The following PLCG2 variants were observed in gnomAD, a reference collection of about 807,000 sequenced individuals.
The protein encoded by PLCG2 is 1-phosphatidylinositol 4,5-bisphosphate phosphodiesterase gamma-2.
PLCG2 carries 69 observed loss-of-function variants against 175.6 expected under a neutral mutation model. The observed-to-expected ratio is 0.39, with a 90% confidence interval of 0.32 to 0.48. The LOEUF (loss-of-function observed/expected upper bound fraction) is 0.48, where lower values mean the gene tolerates loss of function less well. Among genes scored for constraint, PLCG2 ranks in the 20% least tolerant of loss-of-function variants. The probability of loss-of-function intolerance (pLI) is 0.91; values close to 1 mark genes in which losing one functional copy is unlikely to be tolerated. For missense variants in PLCG2, 1,798 were observed against 1,650.9 expected, an observed-to-expected ratio of 1.09 and a Z score of -1.54; for synonymous variants, 827 against 624.0, an observed-to-expected ratio of 1.33 and a Z score of -4.85.
intron 22 of PLCG2, among the ~76,000 whole-genome samples, chr16:81,924,019 C>T (rs1002442169): frequency 1.3e-5 from 2 of 152,226 alleles, no homozygotes; most frequent in Non-Finnish European, 2.9e-5. Context: ...CAGGCGCTTT[C>T]CAATACACAA....
intron 2 of PLCG2, among the ~76,000 whole-genome samples, chr16:81,841,068 A>G (rs1905799917): frequency 6.6e-6 from 1 of 152,196 alleles, no homozygotes; most frequent in African/African-American, 2.4e-5. Flanking sequence ...ATCTGGGAAG[A>G]ATCTCTTCAC....
chr16:81,750,485 T>G (rs1054899842), intron 1 of PLCG2, among the ~76,000 whole-genome samples: 3 of 151,536 alleles, frequency 2.0e-5, no homozygotes, highest in Non-Finnish European at 2.9e-5. Context: ...CCCAAAAGAT[T>G]TGAAATCAGT....
At chr16:81,763,638 C>A (rs1324188210) in intron 2 of PLCG2, among the ~76,000 whole-genome samples, 1 of 152,218 alleles carries the variant, frequency 6.6e-6, no homozygotes, top group Non-Finnish European at 1.5e-5. Flanking sequence ...CACACATTGT[C>A]CCTTTTACTA....
chr16:81,818,016 ACT>A (rs368535941), intron 2 of PLCG2, among the ~76,000 whole-genome samples: 28 of 151,846 alleles, frequency 1.8e-4, no homozygotes, highest in African/African-American at 6.8e-4. Flanking sequence ...GTTGTCATCT[ACT>A]CTCTGTTCCT....
intron 5 of PLCG2, among the ~76,000 whole-genome samples, chr16:81,862,362 G>A (rs993492041): frequency 2.6e-5 from 4 of 152,194 alleles, no homozygotes; most frequent in African/African-American, 7.2e-5. Flanking sequence ...CTTTGCAGCC[G>A]TGGCTGTAAT....
chr16:81,889,035 C>G, intron 9 of PLCG2, 137 bp from the exon 10 acceptor site: 2 of 599,748 alleles, frequency 3.3e-6, no homozygotes, highest in East Asian at 2.9e-5. Context: ...GAGGCCTCAA[C>G]ATGTGGTGGT....
In PLCG2 at chr16:81,786,084, G is replaced by A; in HGVS notation, c.95G>A (p.Ser32Asn). The change falls in exon 2 of 33, where the codon AGC becomes AAC. Residue 32 changes from serine to asparagine, a missense_variant. By Grantham distance (46) the Ser-to-Asn change is conservative (BLOSUM62 1). Coordinates refer to ENST00000564138, the MANE Select transcript of PLCG2 (RefSeq NM_002661.5). Reference protein sequence around the residue: ...LELGTVMTVFSFRKSTPERRT... With the variant: ...LELGTVMTVFNFRKSTPERRT... ...CTGGGGACGGTGATGACTGTGTTCA[G>A]CTTCCGCAAGTCCACCCCCGAGCGG... The A allele has an allele frequency of 6.2e-7, 1 of 1,614,226 alleles. No homozygotes were observed. Among genetic ancestry groups the A allele is most frequent in the South Asian group, 1.1e-5 (1 of 91,084 alleles).
intron 14 of PLCG2, among the ~76,000 whole-genome samples, chr16:81,902,255 A>C (rs1430102481): frequency 1.3e-5 from 2 of 152,332 alleles, no homozygotes; most frequent in African/African-American, 4.8e-5. Flanking sequence ...GGGGAAGGAC[A>C]AACAGCTGTT....
chr16:81,766,468 TC>T (rs1910152918), intron 2 of PLCG2, among the ~76,000 whole-genome samples: 1 of 114 alleles, frequency 8.8e-3, no homozygotes, highest in Non-Finnish European at 0.031. Flanking sequence ...AGCCAGCGCC[TC>T]CTCCTCCTCC....
Position 81,958,394 on chromosome 16 carries a change from G to A in PLCG2, c.*396G>A, listed in dbSNP as rs1597158294. On this transcript the variant is annotated 3_prime_UTR_variant, in exon 33 of 33. Transcript: ENST00000564138. Reference sequence around the variant, plus strand: ...ATGATCCAGGTAACTGATGTCCATGGAGGATGAGCTGGAAATGTAAGAAAC... The same window carrying A: ...ATGATCCAGGTAACTGATGTCCATGAAGGATGAGCTGGAAATGTAAGAAAC... The A allele has an allele frequency of 3.9e-6, 1 of 253,642 alleles. No homozygotes were observed. Among genetic ancestry groups the A allele is most frequent in the South Asian group, 1.4e-4 (1 of 7,092 alleles). 15.7% of individuals were successfully genotyped at this position (253,642 alleles called of 1,614,324 possible).
At chr16:81,798,880 G>A (rs932165409) in intron 2 of PLCG2, 1 of 152,376 alleles carries the variant, frequency 6.6e-6, no homozygotes, top group Non-Finnish European at 1.5e-5. Context: ...TGCTTCGGCT[G>A]GATTTCACCG....
rs1446176163 is a variant in PLCG2, at chr16:81,960,141, G to A, written c.*2143G>A. On this transcript the variant is annotated 3_prime_UTR_variant, in exon 33 of 33. Coordinates refer to ENST00000564138, the MANE Select transcript of PLCG2 (RefSeq NM_002661.5). ...TGGTGCTACAACCGGAATCCACCAT[G>A]AGAGAGTACTTTCTTCGGTTCTTTC... 4.5e-6 allele frequency: 1 copy of A among 220,274 alleles called. No individual in the cohort carries two copies. The highest frequency in any genetic ancestry group is 9.1e-6 in the Non-Finnish European group (1 of 110,034). The allele number at this position is 220,274 out of a possible 1,614,324, so 13.6% of individuals were successfully genotyped here. A position where few individuals can be genotyped will look rare whatever the true frequency, so the allele number is the denominator to read the frequency against.
chr16:81,834,471 G>C (rs1033003042), intron 2 of PLCG2, among the ~76,000 whole-genome samples: 3 of 152,186 alleles, frequency 2.0e-5, no homozygotes, highest in Admixed American at 1.3e-4. Flanking sequence ...CTGAGCCTCA[G>C]TTTCCCCTTC....
chr16:81,745,424 C>G (rs939043945), intron 1 of PLCG2, among the ~76,000 whole-genome samples: 1 of 152,158 alleles, frequency 6.6e-6, no homozygotes, highest in Non-Finnish European at 1.5e-5. Context: ...GAATTTTGCT[C>G]AGTTTCATCC....
At position 81,752,072 on chromosome 16, in the gene PLCG2, G is replaced by A. The variant is rs931427356; in HGVS notation, c.-144-3798G>A. ...ATATATGTATATAATATATATAAAA[G>A]AGCTAGGATTTGAACCTGCAACTCT... On this transcript the variant is annotated intron_variant, in intron 1 of 5. Transcript: ENST00000565054. Among the ~76,000 whole-genome samples, 3 of 151,740 alleles carry A rather than the reference G, an allele frequency of 2.0e-5. No individual in the cohort carries two copies. The East Asian group carries it at 5.8e-4, about 29-fold the overall frequency.
At chr16:81,938,768 G>C (rs1469948321) in intron 28 of PLCG2, 33 bp from the exon 29 acceptor site, 3 of 1,368,932 alleles carry the variant, frequency 2.2e-6, no homozygotes, top group East Asian at 2.3e-5. Flanking sequence ...CAGGACCCCA[G>C]GGGGGTTCCA....
Position 81,961,609 on chromosome 16 carries a change from A to G in PLCG2, c.*3611A>G. On this transcript the variant is annotated 3_prime_UTR_variant, in exon 33 of 33. Transcript: ENST00000564138. ...TGAAAATACAAATTCAAGGAGTAAA[A>G]GGAAAAGTGGGGCATTCCTTGCTAC... The G allele has an allele frequency of 4.6e-6, 1 of 216,320 alleles. No homozygotes were observed. The highest frequency in any genetic ancestry group is 5.8e-5 in the Admixed American group (1 of 17,210). 13.4% of individuals were successfully genotyped at this position (216,320 alleles called of 1,614,324 possible).
At chr16:81,830,107 C>T (rs939171699) in intron 2 of PLCG2, among the ~76,000 whole-genome samples, 3 of 151,816 alleles carry the variant, frequency 2.0e-5, no homozygotes, top group Non-Finnish European at 4.4e-5. Flanking sequence ...ATCACTTGAG[C>T]CCAGGGATTT....
At chr16:81,825,713 C>T (rs1456833221) in intron 2 of PLCG2, among the ~76,000 whole-genome samples, 1 of 152,210 alleles carries the variant, frequency 6.6e-6, no homozygotes, top group Admixed American at 6.5e-5. Context: ...ATAGGAAACA[C>T]ACTCCCACGT....
Sources: gnomAD v4.1 joint callset for allele counts (sites outside exome capture counted in the v4.1 genomes callset) on GRCh38, gnomAD v4.1.1 for gene constraint, MANE v1.5 for transcripts, NCBI Gene and HGNC (gene_info 2026-07-23, HGNC 2026-07-21) for gene names.